Variants in ERC2 observed in about 807,000 individuals in gnomAD.
The protein encoded by ERC2 is ELKS/RAB6-interacting/CAST family member 2, also known as ERC protein 2.
In ERC2, 42 loss-of-function variants were observed where a neutral mutation model predicts 114.8. The observed-to-expected ratio is 0.37, with a 90% CI of 0.29 to 0.47. ERC2 has a LOEUF of 0.47. Ranked by LOEUF, ERC2 falls within the 20% of genes least tolerant of loss-of-function variation. The pLI, the probability that ERC2 is intolerant of heterozygous loss-of-function variation, is 0.99. For missense variants in ERC2, 939 were observed against 1,150.7 expected (o/e 0.82, Z 2.66); for synonymous variants, 454 against 425.5 (o/e 1.07, Z -0.82).
intron 12 of ERC2, among the ~76,000 whole-genome samples, chr3:55,967,603 T>A (rs2068835918): frequency 6.6e-6 from 1 of 152,196 alleles, no homozygotes; most frequent in African/African-American, 2.4e-5. Flanking sequence ...GAAATCAACA[T>A]CTTCAAAGCC....
At chr3:55,835,707 C>G (rs528238809) in intron 14 of ERC2, among the ~76,000 whole-genome samples, 1 of 152,280 alleles carries the variant, frequency 6.6e-6, no homozygotes, top group Non-Finnish European at 1.5e-5. Context: ...CAGGGATGCC[C>G]TCTCTCACCA....
chr3:56,070,643 G>A (rs145074675), intron 7 of ERC2, among the ~76,000 whole-genome samples: 90 of 152,202 alleles, frequency 5.9e-4, no homozygotes, highest in Non-Finnish European at 9.3e-4. Context: ...AAATAACACT[G>A]ATAATTGTTA....
intron 17 of ERC2, chr3:55,657,099 C>T (rs1364268902): frequency 6.6e-6 from 1 of 152,248 alleles, no homozygotes; most frequent in Non-Finnish European, 1.5e-5. Context: ...ACACCCATCT[C>T]CTGGATAGTG....
intron 10 of ERC2, chr3:56,003,148 T>G: frequency 7.8e-7 from 1 of 1,287,518 alleles, no homozygotes; most frequent in Non-Finnish European, 1.0e-6. Flanking sequence ...CATTGCAAAG[T>G]TGGGGAGGCA....
intron 2 of ERC2, among the ~76,000 whole-genome samples, chr3:56,433,449 A>G (rs746984846): frequency 3.3e-5 from 5 of 152,220 alleles, no homozygotes; most frequent in Non-Finnish European, 7.3e-5. Context: ...GGGAGCAGCA[A>G]GAGCAAGGGC....
intron 13 of ERC2, among the ~76,000 whole-genome samples, chr3:55,948,189 AT>A (rs1359687204): frequency 6.6e-6 from 1 of 152,172 alleles, no homozygotes; most frequent in African/African-American, 2.4e-5. Context: ...ACTAGCTATT[AT>A]TGTTGTAGGC....
chr3:56,251,210 T>A (rs2052130313), intron 3 of ERC2, among the ~76,000 whole-genome samples: 1 of 152,212 alleles, frequency 6.6e-6, no homozygotes, highest in Non-Finnish European at 1.5e-5. Flanking sequence ...CCTTTCAAGT[T>A]GATCAACAGA....
intron 6 of ERC2, among the ~76,000 whole-genome samples, chr3:56,102,348 A>G (rs558724732): frequency 6.6e-6 from 1 of 152,274 alleles, no homozygotes; most frequent in East Asian, 1.9e-4. Flanking sequence ...CTAGAAACCT[A>G]CATTATTACA....
chr3:56,466,582 C>T (rs886507067), intron 1 of ERC2, among the ~76,000 whole-genome samples: 2 of 152,188 alleles, frequency 1.3e-5, no homozygotes, highest in African/African-American at 2.4e-5. Flanking sequence ...TACTACTCCC[C>T]GGAAAGAAAA....
At chr3:55,690,949 T>C (rs2062609320) in intron 16 of ERC2, among the ~76,000 whole-genome samples, 1 of 152,198 alleles carries the variant, frequency 6.6e-6, no homozygotes, top group Non-Finnish European at 1.5e-5. Context: ...CTCTTAATGG[T>C]TGGGTGAGCA....
intron 14 of ERC2, among the ~76,000 whole-genome samples, chr3:55,771,487 A>C (rs1434335726): frequency 6.6e-6 from 1 of 152,210 alleles, no homozygotes; most frequent in Admixed American, 6.5e-5. Context: ...GTTAGTAAGA[A>C]GTAAAGCTAG....
chr3:56,278,693 G>T (rs1576236778), intron 3 of ERC2, among the ~76,000 whole-genome samples: 1 of 152,342 alleles, frequency 6.6e-6, no homozygotes, highest in African/African-American at 2.4e-5. Context: ...ACAGGCATCT[G>T]CTCAGCTTCT....
intron 14 of ERC2, among the ~76,000 whole-genome samples, chr3:55,798,701 T>C (rs1474391760): frequency 6.6e-6 from 1 of 151,400 alleles, no homozygotes; most frequent in Admixed American, 6.6e-5. Flanking sequence ...CAGACATTAG[T>C]GGAATAACAT....
In ERC2 at chr3:56,010,585, C is replaced by T; in HGVS notation, c.1784G>A (p.Arg595Lys). The T allele has an allele frequency of 6.2e-7, 1 of 1,612,850 alleles. No individual in the cohort carries two copies. The highest frequency in any genetic ancestry group is 8.5e-7 in the Non-Finnish European group (1 of 1,179,566). Residue 595 changes from arginine (R) to lysine (K), a missense_variant, in exon 9 of 18, where the codon AGA becomes AAA. Arg to Lys is a conservative substitution (Grantham distance 26). This residue lies in a region of ERC2 where 149 missense variants were observed against 254.6 expected (regional missense o/e 0.59). Transcript: ENST00000288221. Reference protein sequence around the residue: ...TLEEALSEKERIIERLKEQRE... With the variant: ...TLEEALSEKEKIIERLKEQRE... ...CTGTTCTTTCAAGCGCTCAATTATT[C>T]TCTCCTGTAAGGCAATTAACAAAAA...
chr3:55,655,295 C>T (rs2060808242), intron 17 of ERC2, among the ~76,000 whole-genome samples: 1 of 152,076 alleles, frequency 6.6e-6, no homozygotes, highest in Non-Finnish European at 1.5e-5. Flanking sequence ...GTACTACATC[C>T]TTGTCATGTA....
intron 13 of ERC2, among the ~76,000 whole-genome samples, chr3:55,928,409 T>C (rs1020161771): frequency 6.6e-6 from 1 of 152,260 alleles, no homozygotes; most frequent in African/African-American, 2.4e-5. Context: ...TTGTATGTCT[T>C]CTTTTGAGAA....
intron 7 of ERC2, among the ~76,000 whole-genome samples, chr3:56,048,543 A>AT (rs1388674724): frequency 1.3e-5 from 2 of 152,206 alleles, no homozygotes; most frequent in Non-Finnish European, 2.9e-5. Context: ...ACTACATACT[A>AT]TTAGCACCGC....
chr3:56,079,735 A>C (rs2077141403), intron 7 of ERC2, among the ~76,000 whole-genome samples: 1 of 152,160 alleles, frequency 6.6e-6, no homozygotes, highest in Non-Finnish European at 1.5e-5. Context: ...TGGACCCCCA[A>C]AATTATGTAA....
intron 12 of ERC2, among the ~76,000 whole-genome samples, chr3:55,953,438 T>C (rs1408510956): frequency 6.6e-6 from 1 of 152,186 alleles, no homozygotes; most frequent in Non-Finnish European, 1.5e-5. Flanking sequence ...AAACTGTCAA[T>C]AGCTACATAT....
Sources: gnomAD v4.1 joint callset for allele counts (sites outside exome capture counted in the v4.1 genomes callset) on GRCh38, gnomAD v4.1.1 for gene constraint, gnomAD v4.1.1 regional missense constraint, MANE v1.5 for transcripts, NCBI Gene and HGNC (gene_info 2026-07-23, HGNC 2026-07-21) for gene names.